Variants in EVC observed in about 807,000 individuals in gnomAD.
EVC encodes EvC ciliary complex subunit 1, also known as evC complex member EVC.
EVC carries 116 observed loss-of-function variants against 118.9 expected under a neutral mutation model. That is an observed-to-expected ratio of 0.98 (90% CI 0.84 to 1.14). The LOEUF (loss-of-function observed/expected upper bound fraction) is 1.14. Ranked by LOEUF, EVC falls within the 50% of genes most tolerant of loss-of-function variation. The pLI is 0.00. For synonymous variants in EVC, 619 were observed against 534.7 expected, an observed-to-expected ratio of 1.16 and a Z score of -2.18; for missense variants, 1,401 against 1,246.4, an observed-to-expected ratio of 1.12 and a Z score of -1.87.
intron 5 of EVC, among the ~76,000 whole-genome samples, chr4:5,736,866 C>A (rs186655801): frequency 1.3e-5 from 2 of 152,120 alleles, no homozygotes; most frequent in Non-Finnish European, 2.9e-5. Context: ...CAGTTAGTAA[C>A]GCTGCAATGG....
chr4:5,805,732 A>G (rs893569118), intron 17 of EVC, among the ~76,000 whole-genome samples: 2 of 152,160 alleles, frequency 1.3e-5, no homozygotes, highest in Non-Finnish European at 2.9e-5. Context: ...AAGGAGCCTC[A>G]GCAGCCAGCT....
chr4:5,720,944 T>G (rs1050256805), intron 2 of EVC, among the ~76,000 whole-genome samples: 1 of 152,186 alleles, frequency 6.6e-6, no homozygotes, highest in African/African-American at 2.4e-5. Flanking sequence ...GAGCCCCTAT[T>G]TGAATGTGCC....
intron 17 of EVC, 66 bp from the exon 18 acceptor site, chr4:5,808,135 C>CAA: frequency 1.9e-6 from 1 of 515,902 alleles, no homozygotes; most frequent in Non-Finnish European, 3.7e-6. Flanking sequence ...TTCCTTCTCC[C>CAA]TCCCTCCCTC....
At chr4:5,772,600 G>T (rs554622538) in intron 11 of EVC, among the ~76,000 whole-genome samples, 1 of 152,156 alleles carries the variant, frequency 6.6e-6, no homozygotes, top group Non-Finnish European at 1.5e-5. Context: ...GGCCCATCCA[G>T]CCTGTCCACA....
At chr4:5,720,361 G>A (rs1316753137) in intron 2 of EVC, among the ~76,000 whole-genome samples, 1 of 152,136 alleles carries the variant, frequency 6.6e-6, no homozygotes, top group African/African-American at 2.4e-5. Flanking sequence ...GGAAGCCGAG[G>A]CTCAGAGGTA....
intron 13 of EVC, among the ~76,000 whole-genome samples, chr4:5,796,459 T>C (rs1212698099): frequency 6.6e-6 from 1 of 152,124 alleles, no homozygotes; most frequent in Non-Finnish European, 1.5e-5. Context: ...GGAGATTCAC[T>C]CCACCCATGT....
At position 5,719,061 on chromosome 4, in the gene EVC, A is replaced by G. The variant is rs199911573; in HGVS notation, c.175-187A>G. On this transcript the variant is annotated intron_variant, in intron 1 of 20. Coordinates refer to ENST00000264956, the MANE Select transcript of EVC (RefSeq NM_153717.3). The surrounding 1 kb of genome is among the most constrained non-coding windows in gnomAD (Gnocchi z 4.7). ...GGTGACCTGTGCAGTCTTGAAGGAC[A>G]TGTAGCGGACCCCACGTGGGGTGGG... 2.0e-5 allele frequency among the ~76,000 whole-genome samples: 3 copies of G among 152,150 alleles called. No homozygotes were observed. The highest frequency in any genetic ancestry group is 7.2e-5 in the African/African-American group (3 of 41,440).
chr4:5,798,519 C>G lies in EVC; in HGVS notation c.2098-67C>G. 6 of 1,489,560 alleles carry G rather than the reference C, an allele frequency of 4.0e-6. No homozygotes were observed. Among genetic ancestry groups the G allele is most frequent in the Non-Finnish European group, 5.5e-6 (6 of 1,092,720 alleles). 92.3% of individuals were successfully genotyped at this position (1,489,560 alleles called of 1,614,324 possible). A position where few individuals can be genotyped will look rare whatever the true frequency, so the allele number is the denominator to read the frequency against. ...CCTGGATAGGACCAGCCCCACATCCCAGTCCTGGCCAGAGCTTCTCTGTGA... is the reference window on the plus strand; with the variant it reads ...CCTGGATAGGACCAGCCCCACATCCGAGTCCTGGCCAGAGCTTCTCTGTGA... On this transcript the variant is annotated intron_variant, in intron 14 of 20. Transcript: ENST00000264956. The surrounding 1 kb of genome is among the most constrained non-coding windows in gnomAD (Gnocchi z 4.1).
At chr4:5,794,190 T>C (rs1713321764) in intron 13 of EVC, among the ~76,000 whole-genome samples, 1 of 140,712 alleles carries the variant, frequency 7.1e-6, no homozygotes, top group Non-Finnish European at 1.6e-5. Context: ...TCCAATTTGC[T>C]GGAAAGTATT....
chr4:5,740,485 A>G lies in EVC; in HGVS notation c.703-1231A>G, dbSNP rs904856817. On this transcript the variant is annotated intron_variant, in intron 5 of 20. Coordinates refer to ENST00000264956, the MANE Select transcript of EVC (RefSeq NM_153717.3). ...TACTCCATCTCAAAAAAAAAAAAAA[A>G]AAGAAAAAGAAAAAATATAAGAGAA... 3.3e-5 allele frequency among the ~76,000 whole-genome samples: 5 copies of G among 151,310 alleles called. 1 individual carries two copies. Among genetic ancestry groups the G allele is most frequent in the African/African-American group, 1.2e-4 (5 of 40,994 alleles).
chr4:5,823,730 G>A, the EVC span, among the ~76,000 whole-genome samples: 1 of 152,184 alleles, frequency 6.6e-6, no homozygotes, highest in Non-Finnish European at 1.5e-5. Context: ...GTAGCCTGAG[G>A]CCCTCACCAG....
chr4:5,825,240 A>G, the EVC span: 4 of 985,298 alleles, frequency 4.1e-6, no homozygotes, highest in African/African-American at 1.7e-5. This position sits in a 1 kb window ranked among gnomAD's most constrained non-coding sequence, Gnocchi z 4.4. Context: ...CACTGGGACA[A>G]TTTTGGTACC....
chr4:5,752,341 G>T (rs1730506386), intron 8 of EVC, among the ~76,000 whole-genome samples: 1 of 152,112 alleles, frequency 6.6e-6, no homozygotes, highest in South Asian at 2.1e-4. Context: ...GAATCTGACT[G>T]CGGGGAGTCG....
downstream of EVC, among the ~76,000 whole-genome samples, chr4:5,818,492 G>A (rs1171777355): frequency 6.6e-6 from 1 of 152,204 alleles, no homozygotes; most frequent in Non-Finnish European, 1.5e-5. Flanking sequence ...CAATGTGGCA[G>A]TACTGAAAGG....
chr4:5,828,762 C>T, the EVC span: 3 of 1,407,098 alleles, frequency 2.1e-6, no homozygotes, highest in Middle Eastern at 1.8e-4. Flanking sequence ...ATATCATAAG[C>T]GTGTTCCAAT....
the EVC span, among the ~76,000 whole-genome samples, chr4:5,820,264 C>CCATCAT: frequency 1.3e-5 from 2 of 152,160 alleles, no homozygotes; most frequent in Admixed American, 1.3e-4. Flanking sequence ...ACCAACACCA[C>CCATCAT]CATCATCATC....
chr4:5,800,099 C>T (rs191790707), intron 15 of EVC, among the ~76,000 whole-genome samples: 2,482 of 152,292 alleles, frequency 0.016, 33 homozygotes, highest in Middle Eastern at 0.027. Context: ...AATCCCAGCA[C>T]TTTGGGAGGC....
chr4:5,784,947 T>A (rs1415679158), intron 12 of EVC, among the ~76,000 whole-genome samples: 1 of 151,906 alleles, frequency 6.6e-6, no homozygotes, highest in Non-Finnish European at 1.5e-5. Context: ...AACTGTTAAA[T>A]TAAAGAAGGC....
chr4:5,767,862 C>T (rs184969186), intron 11 of EVC, among the ~76,000 whole-genome samples: 3 of 152,198 alleles, frequency 2.0e-5, no homozygotes, highest in Non-Finnish European at 2.9e-5. Context: ...CACCCATCTT[C>T]TGCGTCGCTC....
Sources: allele counts gnomAD v4.1 joint callset (sites outside exome capture counted in the v4.1 genomes callset), GRCh38; gene constraint gnomAD v4.1.1; non-coding constraint Gnocchi (gnomAD v3.1); transcripts MANE v1.5; gene names NCBI Gene and HGNC (gene_info 2026-07-23, HGNC 2026-07-21).